The following RAD17 variants were observed in gnomAD, a reference collection of about 807,000 sequenced individuals.
The protein encoded by RAD17 is cell cycle checkpoint protein RAD17.
In RAD17, 31 loss-of-function variants were observed where a neutral mutation model predicts 81.5. That is an observed-to-expected ratio of 0.38 (90% CI 0.29 to 0.51). The LOEUF (loss-of-function observed/expected upper bound fraction) is 0.51, where lower values mean the gene tolerates loss of function less well. Ranked by LOEUF, RAD17 falls within the 20% of genes least tolerant of loss-of-function variation. RAD17 has a pLI of 0.88. For missense variants in RAD17, 681 were observed against 781.2 expected (o/e 0.87, Z 1.53); for synonymous variants, 261 against 266.2 (o/e 0.98, Z 0.19).
intron 17 of RAD17, among the ~76,000 whole-genome samples, chr5:69,403,887 C>T (rs1765428244): frequency 6.6e-6 from 1 of 152,306 alleles, no homozygotes; most frequent in Non-Finnish European, 1.5e-5. Context: ...CCCCACTGCA[C>T]TCTAGCCTGT....
chr5:69,370,349 T>TTTTG (rs762690357), intron 1 of RAD17: 1 of 152,464 alleles, frequency 6.6e-6, no homozygotes, highest in East Asian at 1.9e-4. Flanking sequence ...CTGCACCTTT[T>TTTTG]TTTGTTTGTT....
At chr5:69,372,248 C>G in intron 4 of RAD17, 31 bp downstream of exon 4, 2 of 1,529,750 alleles carry the variant, frequency 1.3e-6, no homozygotes, top group Non-Finnish European at 1.8e-6. Flanking sequence ...TTCCAGTGGT[C>G]TTCCTTTTTT....
intron 8 of RAD17, 21 bp downstream of exon 8, chr5:69,384,954 CTTTTTTTTT>C (rs375164458): frequency 7.8e-7 from 1 of 1,278,282 alleles, no homozygotes; most frequent in African/African-American, 1.7e-5. Context: ...CTTTTAAAAT[CTTTTTTTTT>C]TTTTTTTTGA....
At chr5:69,376,024 G>A (rs1763312467) in intron 6 of RAD17, among the ~76,000 whole-genome samples, 1 of 152,062 alleles carries the variant, frequency 6.6e-6, no homozygotes, top group Non-Finnish European at 1.5e-5. Flanking sequence ...TGAATCAAGG[G>A]CTTGATTAGA....
chr5:69,369,559 G>C, upstream of RAD17: 1 of 1,608,796 alleles, frequency 6.2e-7, no homozygotes, highest in Non-Finnish European at 8.5e-7. Flanking sequence ...GAGCCGGAAG[G>C]GGCGGGCGGC....
chr5:69,371,201 T>C, intron 2 of RAD17, 30 bp downstream of exon 2: 1 of 394,228 alleles, frequency 2.5e-6, no homozygotes, highest in Non-Finnish European at 4.9e-6. Context: ...GGTTTTTTTG[T>C]TTTTTTTTTT....
chr5:69,372,301 A>T, intron 4 of RAD17, 84 bp downstream of exon 4: 1 of 1,266,822 alleles, frequency 7.9e-7, no homozygotes, highest in Non-Finnish European at 1.2e-6. Context: ...TTAAAAGAAG[A>T]GTGAAGTGTG....
Position 69,401,857 on chromosome 5 carries a change from A to AC in RAD17, c.1693+1688_1693+1689insC, listed in dbSNP as rs1209281840. On this transcript the variant is annotated intron_variant, in intron 17 of 18. Transcript: ENST00000354868. Reference sequence around the variant, plus strand: ...AAAAAAAACCCACAAAAAACAAAAAAACCAGGCCTGGTGGTGGGTGCCTGT... The same window carrying AC: ...AAAAAAAACCCACAAAAAACAAAAAACACCAGGCCTGGTGGTGGGTGCCTGT... 7.8e-4 allele frequency among the ~76,000 whole-genome samples: 117 copies of AC among 149,688 alleles called. 1 individual carries two copies. Among genetic ancestry groups the AC allele is most frequent in the African/African-American group, 2.8e-3 (113 of 40,838 alleles).
At chr5:69,375,680 C>T (rs368856100) in intron 6 of RAD17, among the ~76,000 whole-genome samples, 1 of 152,104 alleles carries the variant, frequency 6.6e-6, no homozygotes, top group East Asian at 1.9e-4. Context: ...CCATTATTCT[C>T]TCTAACAAAG....
At chr5:69,371,826 T>C (rs1763026931) in intron 3 of RAD17, among the ~76,000 whole-genome samples, 1 of 152,068 alleles carries the variant, frequency 6.6e-6, no homozygotes, top group African/African-American at 2.4e-5. Flanking sequence ...TGAGTGGTAG[T>C]TGGTGTTATA....
Position 69,411,455 on chromosome 5 carries a change from A to G in RAD17, c.1751+905A>G, listed in dbSNP as rs928744161. ...AATCTTGCTTACTGAATGCATGGAC[A>G]AAAGTAAGTGATAGAAATGGCACCT... On this transcript the variant is annotated intron_variant, in intron 18 of 18. Transcript: ENST00000354868. Among the ~76,000 whole-genome samples, 7 of 152,300 alleles carry G rather than the reference A, an allele frequency of 4.6e-5. No homozygotes were observed. The South Asian group carries it at 6.2e-4, about 14-fold the overall frequency.
chr5:69,377,486 CATATATAT>C (rs371226581), intron 6 of RAD17, among the ~76,000 whole-genome samples: 1 of 67,148 alleles, frequency 1.5e-5, no homozygotes, highest in Non-Finnish European at 2.7e-5. Context: ...CACACACACA[CATATATAT>C]ACGTATATAT....
chr5:69,376,381 A>G (rs1470689297), intron 6 of RAD17, among the ~76,000 whole-genome samples: 1 of 152,240 alleles, frequency 6.6e-6, no homozygotes, highest in African/African-American at 2.4e-5. Context: ...GCATTTTTCT[A>G]CAAAGAAAAG....
chr5:69,411,377 C>T (rs1765988449), intron 18 of RAD17, among the ~76,000 whole-genome samples: 1 of 152,136 alleles, frequency 6.6e-6, no homozygotes, highest in South Asian at 2.1e-4. Context: ...CACCATTGCA[C>T]CCCAGCCTGG....
chr5:69,402,342 G>C (rs964825708), intron 17 of RAD17, among the ~76,000 whole-genome samples: 11 of 151,748 alleles, frequency 7.2e-5, no homozygotes, highest in Admixed American at 3.9e-4. Flanking sequence ...GAGCCACCGC[G>C]CCCGGCCACT....
chr5:69,369,444 C>A (rs1330311692), upstream of RAD17: 1 of 1,609,692 alleles, frequency 6.2e-7, no homozygotes, highest in Non-Finnish European at 8.5e-7. Context: ...CCCAGTCCCT[C>A]CCGGCCGCGC....
Position 69,389,798 on chromosome 5 carries a change from G to A in RAD17, c.1006+653G>A, listed in dbSNP as rs536921343. ...TGGGACTACAGGCAGCTGCCACCAC[G>A]CCCAGCTAATTGTATTTTTAATAGA... On this transcript the variant is annotated intron_variant, in intron 12 of 18. Transcript: ENST00000354868. Among the ~76,000 whole-genome samples, 5 of 152,160 alleles carry A rather than the reference G, an allele frequency of 3.3e-5. No homozygotes were observed. The East Asian group carries it at 7.7e-4, about 24-fold the overall frequency.
At chr5:69,397,246 A>G (rs1427089718) in intron 16 of RAD17, among the ~76,000 whole-genome samples, 3 of 151,658 alleles carry the variant, frequency 2.0e-5, no homozygotes, top group Non-Finnish European at 2.9e-5. Context: ...GGTTCAAGCA[A>G]TTCTCCCACC....
At chr5:69,375,753 C>A (rs1314414051) in intron 6 of RAD17, among the ~76,000 whole-genome samples, 1 of 151,904 alleles carries the variant, frequency 6.6e-6, no homozygotes, top group Non-Finnish European at 1.5e-5. Flanking sequence ...GCATTTGTCC[C>A]CAAAATGTCT....
Sources: gnomAD v4.1 joint callset for allele counts (sites outside exome capture counted in the v4.1 genomes callset) on GRCh38, gnomAD v4.1.1 for gene constraint, MANE v1.5 for transcripts, NCBI Gene and HGNC (gene_info 2026-07-23, HGNC 2026-07-21) for gene names.